STIM2: variants seen among roughly 807,000 people sequenced by gnomAD.
STIM2 encodes the protein stromal interaction molecule 2.
STIM2 carries 31 observed loss-of-function variants against 85.8 expected under a neutral mutation model. The observed-to-expected ratio is 0.36, with a 90% CI of 0.27 to 0.49. The LOEUF (loss-of-function observed/expected upper bound fraction) is 0.49. Ranked by LOEUF, STIM2 falls within the 20% of genes least tolerant of loss-of-function variation. The probability of loss-of-function intolerance (pLI) is 0.98; values close to 1 mark genes in which losing one functional copy is unlikely to be tolerated. For synonymous variants in STIM2, 356 were observed against 331.1 expected (o/e 1.08, Z -0.82); for missense variants, 841 against 927.6 (o/e 0.91, Z 1.21).
At chr4:26,934,013 C>G (rs111670871) in intron 2 of STIM2, among the ~76,000 whole-genome samples, 6 of 151,946 alleles carry the variant, frequency 3.9e-5, no homozygotes, top group African/African-American at 1.4e-4. Flanking sequence ...GGCCAACTTG[C>G]TGAAACCTCG....
At chr4:27,020,484 A>G (rs1050715820) in intron 11 of STIM2, among the ~76,000 whole-genome samples, 1 of 152,190 alleles carries the variant, frequency 6.6e-6, no homozygotes, top group Admixed American at 6.5e-5. Context: ...TATGCAGCAC[A>G]CGTAGGTGTA....
chr4:27,023,207 A>G lies in STIM2; in HGVS notation c.*211A>G, dbSNP rs1226554460. On this transcript the variant is annotated 3_prime_UTR_variant, in exon 12 of 12. Coordinates refer to ENST00000467087, the MANE Select transcript of STIM2 (RefSeq NM_020860.4). ...ATATAATCAATTCATCAAGCCAGTT[A>G]TTACTGAAAAATCATTGAAATGAGA... 5 of 545,394 alleles carry G rather than the reference A, an allele frequency of 9.2e-6. No individual in the cohort carries two copies. In the East Asian group the frequency reaches 1.5e-4, roughly 16 times the overall value. 33.8% of individuals were successfully genotyped at this position (545,394 alleles called of 1,614,324 possible).
chr4:26,881,716 G>C (rs1723023020), intron 1 of STIM2: 1 of 152,156 alleles, frequency 6.6e-6, no homozygotes, highest in African/African-American at 2.4e-5. Context: ...ATGGAATTTT[G>C]CATCTTTTAA....
intron 1 of STIM2, among the ~76,000 whole-genome samples, chr4:26,877,782 G>C (rs1221911989): frequency 6.6e-6 from 1 of 152,112 alleles, no homozygotes; most frequent in Non-Finnish European, 1.5e-5. Context: ...TTGAAAATTT[G>C]TCCTCTCCAA....
chr4:26,960,289 G>T (rs925818966), intron 3 of STIM2, among the ~76,000 whole-genome samples: 7 of 152,042 alleles, frequency 4.6e-5, no homozygotes, highest in African/African-American at 2.4e-5. Context: ...GTAATTCAAG[G>T]TTGTTTACTT....
chr4:26,956,208 T>C (rs1006652853), intron 2 of STIM2, among the ~76,000 whole-genome samples: 1 of 151,896 alleles, frequency 6.6e-6, no homozygotes, highest in African/African-American at 2.4e-5. Context: ...AAATAAAAAA[T>C]ATTGAGGTAG....
At chr4:26,916,873 A>G (rs1724602532) in intron 1 of STIM2, among the ~76,000 whole-genome samples, 2 of 152,132 alleles carry the variant, frequency 1.3e-5, no homozygotes, top group Admixed American at 1.3e-4. Context: ...AACATGATAC[A>G]TTGTAGGAGT....
At chr4:26,984,483 C>T (rs913075696) in intron 3 of STIM2, among the ~76,000 whole-genome samples, 2 of 152,158 alleles carry the variant, frequency 1.3e-5, no homozygotes, top group Non-Finnish European at 1.5e-5. Context: ...GCTTCAGCCT[C>T]CTGAGTAGCT....
rs866363713 is a variant in STIM2 at position 26,994,041 on chromosome 4, G to A, written c.398-1338G>A. Among the ~76,000 whole-genome samples, 3 of 151,954 alleles carry A rather than the reference G, an allele frequency of 2.0e-5. No homozygotes were observed. The South Asian group carries it at 6.2e-4, about 32-fold the overall frequency. On this transcript the variant is annotated intron_variant, in intron 3 of 11. Transcript: ENST00000467087. The stretch of plus-strand genomic sequence containing the variant: ...GCTAGTTATTTTATTCTTGATTTAG[G>A]TCCAGTCTTCTAGAATCTATTAATA...
At chr4:26,910,349 C>T (rs1385880287) in intron 1 of STIM2, among the ~76,000 whole-genome samples, 1 of 151,866 alleles carries the variant, frequency 6.6e-6, no homozygotes, top group Non-Finnish European at 1.5e-5. Flanking sequence ...ATGGTGAAAT[C>T]CCGTCTTTAC....
intron 3 of STIM2, among the ~76,000 whole-genome samples, chr4:26,984,114 G>A (rs1001280643): frequency 6.6e-6 from 1 of 152,060 alleles, no homozygotes; most frequent in African/African-American, 2.4e-5. Flanking sequence ...ATCTAGAAAT[G>A]GTTCTAAAAA....
rs764219641 is a variant in STIM2 at position 27,022,703 on chromosome 4, T to C, written c.1948T>C (p.Ser650Pro). The C allele has an allele frequency of 2.5e-6, 4 of 1,614,200 alleles. No homozygotes were observed. Among genetic ancestry groups the C allele is most frequent in the Non-Finnish European group, 3.4e-6 (4 of 1,180,044 alleles). The change falls in exon 12 of 12, where the codon TCT (serine) becomes CCT (proline). Residue 650 changes from serine (S) to proline (P), a missense_variant. By Grantham distance (74) the Ser-to-Pro change is moderately conservative (BLOSUM62 -1). Coordinates refer to ENST00000467087, the MANE Select transcript of STIM2 (RefSeq NM_020860.4). ...TGTAACTGTGGATGTGTCTTGGGGT[T>C]CTCCCGACTGTGTAGGTCTGACAGA...
At chr4:26,990,426 T>C (rs1727726738) in intron 3 of STIM2, among the ~76,000 whole-genome samples, 1 of 152,138 alleles carries the variant, frequency 6.6e-6, no homozygotes, top group African/African-American at 2.4e-5. Context: ...AATCTAGATC[T>C]CTACCATATG....
Position 27,008,835 on chromosome 4 carries a change from G to T in STIM2, c.1322G>T (p.Cys441Phe). The T allele has an allele frequency of 6.2e-7, 1 of 1,614,110 alleles. No individual in the cohort carries two copies. Among genetic ancestry groups the T allele is most frequent in the South Asian group, 1.1e-5 (1 of 91,078 alleles). Residue 441 changes from cysteine (C) to phenylalanine (F), a missense_variant, in exon 10 of 12, where the codon TGT becomes TTT. This residue lies in a region of STIM2 where 408 missense variants were observed against 525.4 expected (regional missense o/e 0.78). Transcript: ENST00000467087. Reference sequence around the variant, plus strand: ...CGCTGGCAACAAATTGAGAAGATCTGTGGCTTTCAGATAGCCCATAACTCA... The same window carrying T: ...CGCTGGCAACAAATTGAGAAGATCTTTGGCTTTCAGATAGCCCATAACTCA...
At chr4:26,976,576 G>A (rs1304340021) in intron 3 of STIM2, among the ~76,000 whole-genome samples, 3 of 152,000 alleles carry the variant, frequency 2.0e-5, no homozygotes, top group African/African-American at 7.3e-5. Flanking sequence ...GGGAGGTCTA[G>A]GCAGGTGGAT....
At chr4:26,898,946 GT>G (rs145070040) in intron 1 of STIM2, among the ~76,000 whole-genome samples, 1,727 of 147,974 alleles carry the variant, frequency 0.012, 32 homozygotes, top group African/African-American at 0.04. Context: ...GCAAATGACA[GT>G]TTTTTTTTTA....
chr4:26,965,318 A>G (rs1035388985), intron 3 of STIM2, among the ~76,000 whole-genome samples: 1 of 152,170 alleles, frequency 6.6e-6, no homozygotes, highest in African/African-American at 2.4e-5. Flanking sequence ...CTGTCAACCA[A>G]CATTTAAGGG....
chr4:26,942,966 A>G (rs1725672073), intron 2 of STIM2, among the ~76,000 whole-genome samples: 2 of 152,118 alleles, frequency 1.3e-5, no homozygotes, highest in South Asian at 4.1e-4. Flanking sequence ...TTTAAAATTG[A>G]GTCCTGATTT....
rs1728975417 is a variant in STIM2 at position 27,023,310 on chromosome 4, G to A, written c.*314G>A. ...TATGCAACATTTTGTTGAAAGCCACGATGGACTTACAAGCTTTAATGGACT... is the reference window on the plus strand; with the variant it reads ...TATGCAACATTTTGTTGAAAGCCACAATGGACTTACAAGCTTTAATGGACT... On this transcript the variant is annotated 3_prime_UTR_variant, in exon 12 of 12. Transcript: ENST00000467087. 1.8e-5 allele frequency: 5 copies of A among 276,772 alleles called. No homozygotes were observed. The highest frequency in any genetic ancestry group is 2.8e-5 in the Non-Finnish European group (4 of 144,352). 17.1% of individuals were successfully genotyped at this position (276,772 alleles called of 1,614,324 possible). A position where few individuals can be genotyped will look rare whatever the true frequency, so the allele number is the denominator to read the frequency against.
Sources: gnomAD v4.1 joint callset for allele counts (sites outside exome capture counted in the v4.1 genomes callset) on GRCh38, gnomAD v4.1.1 for gene constraint, gnomAD v4.1.1 regional missense constraint, MANE v1.5 for transcripts, NCBI Gene and HGNC (gene_info 2026-07-23, HGNC 2026-07-21) for gene names.